The following DCST1 variants were observed in gnomAD, a reference collection of about 807,000 sequenced individuals.
DCST1 encodes E3 ubiquitin-protein ligase DCST1.
DCST1 carries 78 observed loss-of-function variants against 89.1 expected under a neutral mutation model. The observed-to-expected ratio is 0.88, with a 90% CI of 0.73 to 1.06. The LOEUF (loss-of-function observed/expected upper bound fraction) is 1.06. DCST1 is among the 50% of genes least tolerant of loss of function. The pLI, the probability that DCST1 is intolerant of heterozygous loss-of-function variation, is 0.00. For missense variants in DCST1, 900 were observed against 928.6 expected (o/e 0.97, Z 0.40); for synonymous variants, 364 against 371.9 (o/e 0.98, Z 0.24).
chr1:155,036,111 A>C (rs997340338), intron 4 of DCST1, among the ~76,000 whole-genome samples: 16 of 151,162 alleles, frequency 1.1e-4, no homozygotes, highest in South Asian at 2.1e-4. Context: ...TTTAGGAACA[A>C]GGGAAACTTG....
At chr1:155,047,982 A>G in intron 15 of DCST1, 53 bp downstream of exon 15, 2 of 1,612,880 alleles carry the variant, frequency 1.2e-6, no homozygotes, top group African/African-American at 2.7e-5. Flanking sequence ...ACACACACAC[A>G]CACCACCCAG....
chr1:155,047,337 C>A (rs1258633106), intron 14 of DCST1, 25 bp downstream of exon 14: 1 of 1,596,440 alleles, frequency 6.3e-7, no homozygotes, highest in Non-Finnish European at 8.6e-7. Flanking sequence ...AAGTTTGGAT[C>A]AGAGGAATCG....
intron 16 of DCST1, among the ~76,000 whole-genome samples, chr1:155,050,166 G>C (rs1375956442): frequency 1.3e-5 from 2 of 152,258 alleles, no homozygotes; most frequent in Non-Finnish European, 2.9e-5. Flanking sequence ...TGTCGTGAGG[G>C]ATGGCAGGGA....
At chr1:155,044,931 C>T (rs1053320620) in intron 10 of DCST1, among the ~76,000 whole-genome samples, 7 of 152,102 alleles carry the variant, frequency 4.6e-5, no homozygotes. Context: ...AAAGGTGCAG[C>T]GAGGCTCAGA....
intron 4 of DCST1, among the ~76,000 whole-genome samples, chr1:155,038,281 G>A (rs1351487145): frequency 2.6e-5 from 4 of 152,252 alleles, no homozygotes; most frequent in African/African-American, 9.6e-5. Flanking sequence ...AGGCAGGCAG[G>A]AGCCAGATCA....
chr1:155,035,634 AAG>A (rs1000459606), intron 4 of DCST1, among the ~76,000 whole-genome samples: 1 of 152,214 alleles, frequency 6.6e-6, no homozygotes, highest in African/African-American at 2.4e-5. Context: ...AAAATAAAAA[AAG>A]AGGAAGAAAC....
At chr1:155,041,210 G>C (rs563130160) in intron 6 of DCST1, among the ~76,000 whole-genome samples, 187 bp from the exon 7 acceptor site, 2 of 152,070 alleles carry the variant, frequency 1.3e-5, no homozygotes, top group Non-Finnish European at 2.9e-5. Context: ...GGCAGCTGGT[G>C]GGGGGGCTCC....
At chr1:155,050,163 A>G (rs2102369293) in intron 16 of DCST1, among the ~76,000 whole-genome samples, 1 of 152,304 alleles carries the variant, frequency 6.6e-6, no homozygotes, top group Non-Finnish European at 1.5e-5. Flanking sequence ...ACATGTCGTG[A>G]GGGATGGCAG....
intron 16 of DCST1, 97 bp from the exon 17 acceptor site, chr1:155,050,520 A>C: frequency 2.8e-6 from 4 of 1,420,810 alleles, no homozygotes; most frequent in African/African-American, 1.4e-5. Flanking sequence ...ACACGCGGGA[A>C]TTGTCAGGCC....
chr1:155,048,903 C>T, intron 16 of DCST1: 1 of 647,352 alleles, frequency 1.5e-6, no homozygotes, highest in Non-Finnish European at 2.9e-6. Flanking sequence ...TCAGGAAGGC[C>T]TCATGCAGGG....
chr1:155,040,698 C>A, intron 6 of DCST1, 74 bp downstream of exon 6: 1 of 1,481,394 alleles, frequency 6.8e-7, no homozygotes, highest in Non-Finnish European at 9.0e-7. Flanking sequence ...TGGGAGTTGT[C>A]ACCCTGGATT....
At position 155,034,445 on chromosome 1, in the gene DCST1, G is replaced by C; in HGVS notation, c.72G>C (p.Arg24Ser). 1 of 1,614,028 alleles carries C rather than the reference G, an allele frequency of 6.2e-7. No homozygotes were observed. The highest frequency in any genetic ancestry group is 8.5e-7 in the Non-Finnish European group (1 of 1,180,030). The change falls in exon 3 of 17, where the codon AGG (arginine) becomes AGC (serine). Residue 24 changes from arginine to serine, a missense_variant. Arg to Ser is a moderately radical substitution (Grantham distance 110). Transcript: ENST00000295542. The part of the protein sequence containing the change: ...RRKQPHTTVQ[R>S]LLTWGLPVSC... Reference sequence around the variant, plus strand: ...CTGTCCCCCTCTTAGCGGTGCAGAGGCTCCTGACCTGGGGGCTGCCAGTCT... The same window carrying C: ...CTGTCCCCCTCTTAGCGGTGCAGAGCCTCCTGACCTGGGGGCTGCCAGTCT...
chr1:155,047,697 T>C, intron 14 of DCST1, 90 bp from the exon 15 acceptor site: 3 of 1,193,836 alleles, frequency 2.5e-6, no homozygotes, highest in Non-Finnish European at 3.6e-6. Flanking sequence ...ATCAGAGGAC[T>C]GCACCTCCCA....
intron 16 of DCST1, 30 bp from the exon 17 acceptor site, chr1:155,050,587 G>C (rs915616518): frequency 6.5e-7 from 1 of 1,547,518 alleles, no homozygotes; most frequent in South Asian, 1.2e-5. Flanking sequence ...CCTCGCTCCC[G>C]GGCTGGCGCT....
At chr1:155,042,915 G>A (rs944120625) in intron 9 of DCST1, 59 bp downstream of exon 9, 210 of 1,597,846 alleles carry the variant, frequency 1.3e-4, no homozygotes, top group Non-Finnish European at 1.8e-4. Context: ...GAGGGCATGA[G>A]GGAATAGAGC....
rs749649734 is a variant in DCST1 at position 155,042,828 on chromosome 1, G to C, written c.986G>C (p.Gly329Ala). The change falls in exon 9 of 17, where the codon GGG becomes GCG. Residue 329 changes from glycine (G) to alanine (A), a missense_variant. By Grantham distance (60) the Gly-to-Ala change is moderately conservative. Coordinates refer to ENST00000295542, the MANE Select transcript of DCST1 (RefSeq NM_152494.4). ...AACCAGTCTATTCGTGGCCTGGATG[G>C]GGAATTTTCAGCCAATATTGACTTC... The part of the protein sequence containing the change: ...SLNQSIRGLD[G>A]EFSANIDFKE... 6.2e-7 allele frequency: 1 copy of C among 1,614,204 alleles called. No individual in the cohort carries two copies. The highest frequency in any genetic ancestry group is 2.2e-5 in the East Asian group (1 of 44,876).
intron 5 of DCST1, among the ~76,000 whole-genome samples, 186 bp from the exon 6 acceptor site, chr1:155,040,299 T>C: frequency 7.6e-6 from 1 of 131,006 alleles, no homozygotes; most frequent in African/African-American, 3.0e-5. Context: ...GGAGACTCCG[T>C]CTCAAAAAAA....
At position 155,045,971 on chromosome 1, in the gene DCST1, C is replaced by T. The variant is rs759747304; in HGVS notation, c.1251C>T (p.Ile417=). The change falls in exon 11 of 17, where the codon ATC becomes ATT. Residue 417 remains isoleucine, a synonymous_variant. Coordinates refer to ENST00000295542, the MANE Select transcript of DCST1 (RefSeq NM_152494.4). The stretch of plus-strand genomic sequence containing the variant: ...ACATCAGTACCTACTTCTGCCAGAT[C>T]GATGACCGCAGGAAGAAGCTGGTGA... The part of the protein sequence containing the change: ...NIYISTYFCQ[I]DDRRKKLGKR... 11 of 1,614,216 alleles carry T rather than the reference C, an allele frequency of 6.8e-6. No homozygotes were observed. The Admixed American group carries it at 1.0e-4, about 15-fold the overall frequency.
At chr1:155,043,654 G>T in intron 10 of DCST1, 145 bp downstream of exon 10, 1 of 1,163,058 alleles carries the variant, frequency 8.6e-7, no homozygotes, top group Non-Finnish European at 1.1e-6. Context: ...TTTACACAAA[G>T]TTAAAGGAAA....
Sources: allele counts gnomAD v4.1 joint callset (sites outside exome capture counted in the v4.1 genomes callset), GRCh38; gene constraint gnomAD v4.1.1; transcripts MANE v1.5; gene names NCBI Gene and HGNC (gene_info 2026-07-23, HGNC 2026-07-21).